ADCY9: variants seen among roughly 807,000 people sequenced by gnomAD.
The protein encoded by ADCY9 is adenylate cyclase 9, also known as adenylate cyclase type 9.
ADCY9 carries 50 observed loss-of-function variants against 101.5 expected under a neutral mutation model. The observed-to-expected ratio is 0.49, with a 90% confidence interval of 0.39 to 0.62. The LOEUF (loss-of-function observed/expected upper bound fraction) is 0.62. Among genes scored for constraint, ADCY9 ranks in the 20% least tolerant of loss-of-function variants. ADCY9 has a pLI of 0.00. For missense variants in ADCY9, 1,662 were observed against 1,800.4 expected, an observed-to-expected ratio of 0.92 and a Z score of 1.39; for synonymous variants, 905 against 769.3, an observed-to-expected ratio of 1.18 and a Z score of -2.92.
intron 2 of ADCY9, among the ~76,000 whole-genome samples, chr16:4,043,402 G>A (rs1019804474): frequency 6.6e-6 from 1 of 151,486 alleles, no homozygotes; most frequent in Non-Finnish European, 1.5e-5. Context: ...GGCCCGGCGC[G>A]GTGGCTCACA....
At chr16:4,051,131 T>C (rs1271173678) in intron 2 of ADCY9, among the ~76,000 whole-genome samples, 6 of 151,748 alleles carry the variant, frequency 4.0e-5, no homozygotes, top group Non-Finnish European at 5.9e-5. Context: ...GAGAATTGCA[T>C]GGACCCAGGA....
At chr16:4,076,478 CACA>C (rs1347726189) in intron 2 of ADCY9, among the ~76,000 whole-genome samples, 5 of 152,206 alleles carry the variant, frequency 3.3e-5, no homozygotes, top group Non-Finnish European at 7.3e-5. Context: ...ACTCGTCCCA[CACA>C]AAGACAGACG....
intron 2 of ADCY9, among the ~76,000 whole-genome samples, chr16:4,097,528 CATATAT>C (rs1166805300): frequency 4.6e-4 from 30 of 64,520 alleles, no homozygotes; most frequent in African/African-American, 1.6e-3. Flanking sequence ...TACATATGTA[CATATAT>C]ATATATATAT....
intron 2 of ADCY9, among the ~76,000 whole-genome samples, chr16:4,037,984 T>C (rs889221996): frequency 6.6e-6 from 1 of 152,078 alleles, no homozygotes; most frequent in Non-Finnish European, 1.5e-5. Flanking sequence ...TGGTATTAAG[T>C]GGGGTCTTAC....
At chr16:4,082,866 A>G (rs1379530726) in intron 2 of ADCY9, among the ~76,000 whole-genome samples, 3 of 152,246 alleles carry the variant, frequency 2.0e-5, no homozygotes, top group African/African-American at 7.2e-5. Context: ...AGGATGTGGC[A>G]CATGGCCCCG....
At chr16:4,082,657 TATGCACACCC>T (rs1365846279) in intron 2 of ADCY9, among the ~76,000 whole-genome samples, 15 of 145,210 alleles carry the variant, frequency 1.0e-4, no homozygotes, top group South Asian at 2.2e-4. Context: ...CGCACACATA[TATGCACACCC>T]ATGCACACCC....
intron 2 of ADCY9, among the ~76,000 whole-genome samples, chr16:4,076,168 G>A (rs2056866156): frequency 1.3e-5 from 2 of 152,268 alleles, no homozygotes; most frequent in East Asian, 1.9e-4. Flanking sequence ...AACAGCCACT[G>A]TACTGCAGCC....
Position 4,033,525 on chromosome 16 carries a change from C to T in ADCY9, c.1694-25967G>A, listed in dbSNP as rs565062795. On this transcript the variant is annotated intron_variant, in intron 2 of 10. Transcript: ENST00000294016. ...CTTGGCTCACTGCAACTTCCACCAC[C>T]GAGGTTCAAGCGACTCCCCTGCCTC... Among the ~76,000 whole-genome samples the T allele has an allele frequency of 1.9e-3, 283 of 151,486 alleles. 3 individuals carry two copies. Among genetic ancestry groups the T allele is most frequent in the Admixed American group, 0.019 (281 of 15,168 alleles).
chr16:3,956,503 T>TTTTTTTTG lies in ADCY9; in HGVS notation c.568-2988_568-2987insCAAAAAAA, dbSNP rs55792938. ...GCGCAATGAGCTTTTTTTTTTTTTT[T>TTTTTTTTG]GGGGGGGGATGGAGTCTCCCTCTGT... On this transcript the variant is annotated intron_variant, in intron 5 of 5. Transcript: ENST00000576936. Among the ~76,000 whole-genome samples the TTTTTTTTG allele has an allele frequency of 6.0e-3, 419 of 69,516 alleles. 13 individuals carry two copies. Among genetic ancestry groups the TTTTTTTTG allele is most frequent in the African/African-American group, 0.015 (383 of 24,712 alleles). The allele number at this position is 69,516 out of a possible 152,430, so 45.6% of individuals were successfully genotyped here.
intron 2 of ADCY9, among the ~76,000 whole-genome samples, chr16:4,111,937 A>G (rs2057116562): frequency 6.6e-6 from 1 of 152,024 alleles, no homozygotes; most frequent in Non-Finnish European, 1.5e-5. Context: ...TAGGTATTCA[A>G]TGACTTGGCA....
At chr16:4,113,390 G>A (rs974640575) in intron 2 of ADCY9, among the ~76,000 whole-genome samples, 4 of 152,200 alleles carry the variant, frequency 2.6e-5, no homozygotes, top group Admixed American at 6.5e-5. Context: ...CCAAATGAAT[G>A]CAAAGGCAAT....
At chr16:4,004,588 A>C (rs1243934073) in intron 3 of ADCY9, among the ~76,000 whole-genome samples, 4 of 152,244 alleles carry the variant, frequency 2.6e-5, no homozygotes, top group Non-Finnish European at 5.9e-5. Context: ...AAGAATTAAA[A>C]AGCCAAAAAG....
chr16:4,031,165 T>C (rs761662660), intron 2 of ADCY9, among the ~76,000 whole-genome samples: 21 of 152,180 alleles, frequency 1.4e-4, no homozygotes, highest in Non-Finnish European at 2.8e-4. Context: ...ATGAACTATA[T>C]ATTTTATAAG....
At chr16:3,961,076 G>C (rs1484012444), downstream of ADCY9, among the ~76,000 whole-genome samples, 2 of 152,142 alleles carry the variant, frequency 1.3e-5, no homozygotes, top group Non-Finnish European at 2.9e-5. Flanking sequence ...TTCTGGGGCT[G>C]ATTGCAAAAA....
In ADCY9 at chr16:4,035,581, C is replaced by T. The variant is rs1040616848; in HGVS notation, c.1694-28023G>A. Among the ~76,000 whole-genome samples the T allele has an allele frequency of 1.3e-5, 2 of 152,086 alleles. 1 individual carries two copies. Among genetic ancestry groups the T allele is most frequent in the Admixed American group, 1.3e-4 (2 of 15,268 alleles). ...ATGCATGGGAAGCCAATGACACACA[C>T]GAGGAAAGATGGGAACACAGAGCTG... On this transcript the variant is annotated intron_variant, in intron 2 of 10. Coordinates refer to ENST00000294016, the MANE Select transcript of ADCY9 (RefSeq NM_001116.4).
At chr16:3,954,117 T>C (rs2055895313) in intron 5 of ADCY9, among the ~76,000 whole-genome samples, 1 of 152,204 alleles carries the variant, frequency 6.6e-6, no homozygotes, top group South Asian at 2.1e-4. Context: ...GGTTTAATGC[T>C]GCAGGGTGAG....
intron 2 of ADCY9, among the ~76,000 whole-genome samples, chr16:4,095,620 A>G (rs1296806700): frequency 6.6e-6 from 1 of 152,098 alleles, no homozygotes; most frequent in Non-Finnish European, 1.5e-5. Flanking sequence ...AAAAAATAAT[A>G]ATTATTCACT....
At chr16:3,958,312 CG>C (rs2055918755), downstream of ADCY9, among the ~76,000 whole-genome samples, 1 of 152,084 alleles carries the variant, frequency 6.6e-6, no homozygotes, top group Non-Finnish European at 1.5e-5. Flanking sequence ...TAGCCTGAGG[CG>C]GGCAGATCAC....
intron 2 of ADCY9, among the ~76,000 whole-genome samples, chr16:4,048,290 G>A (rs2056679192): frequency 2.0e-5 from 3 of 152,180 alleles, no homozygotes; most frequent in African/African-American, 7.2e-5. Context: ...TGAAGTCTTT[G>A]TTAAAAGTAA....
Sources: allele counts gnomAD v4.1 joint callset (sites outside exome capture counted in the v4.1 genomes callset), GRCh38; gene constraint gnomAD v4.1.1; transcripts MANE v1.5; gene names NCBI Gene and HGNC (gene_info 2026-07-23, HGNC 2026-07-21).